The following TMEM245 variants were observed in gnomAD, a reference collection of about 807,000 sequenced individuals.
TMEM245 encodes protein CG-2.
Under a neutral mutation model 101.2 loss-of-function variants are expected in TMEM245, and 69 were observed. The observed-to-expected ratio is 0.68, with a 90% CI of 0.56 to 0.83. TMEM245 has a LOEUF of 0.83. Ranked by LOEUF, TMEM245 falls within the 40% of genes least tolerant of loss-of-function variation. The probability of loss-of-function intolerance (pLI) is 0.00; values close to 1 mark genes in which losing one functional copy is unlikely to be tolerated. For missense variants in TMEM245, 1,075 were observed against 1,092.8 expected (o/e 0.98, Z 0.23); for synonymous variants, 537 against 449.8 (o/e 1.19, Z -2.45).
rs1288587104 is a variant in TMEM245, at chr9:109,020,455, C to A, written c.*5G>T. On this transcript the variant is annotated 3_prime_UTR_variant, in exon 18 of 18. Coordinates refer to ENST00000374586, the MANE Select transcript of TMEM245 (RefSeq NM_032012.4). ...CCTAGAAAAATCACTGCAGAGGAAACCACATCAACCTACTGAAGATTTCAG... is the reference window on the plus strand; with the variant it reads ...CCTAGAAAAATCACTGCAGAGGAAAACACATCAACCTACTGAAGATTTCAG... The A allele has an allele frequency of 6.2e-7, 1 of 1,613,982 alleles. No homozygotes were observed.
chr9:109,034,585 T>C (rs957935755), intron 16 of TMEM245, among the ~76,000 whole-genome samples: 1 of 152,092 alleles, frequency 6.6e-6, no homozygotes, highest in Admixed American at 6.6e-5. Context: ...TAGCTGGGAC[T>C]ACAGGCATGT....
intron 14 of TMEM245, among the ~76,000 whole-genome samples, chr9:109,043,895 A>G (rs1402564871): frequency 6.6e-6 from 1 of 152,200 alleles, no homozygotes; most frequent in Non-Finnish European, 1.5e-5. Flanking sequence ...TCTGTGGAAT[A>G]AAAGTTCCAA....
chr9:109,049,851 G>T (rs1424482721), intron 14 of TMEM245, among the ~76,000 whole-genome samples: 1 of 152,048 alleles, frequency 6.6e-6, no homozygotes, highest in Non-Finnish European at 1.5e-5. Context: ...CTGGAGCGCA[G>T]TGGCGTGATC....
At chr9:109,036,991 G>A (rs148330698) in intron 15 of TMEM245, among the ~76,000 whole-genome samples, 152 of 152,290 alleles carry the variant, frequency 1.0e-3, no homozygotes, top group African/African-American at 3.6e-3. Context: ...GCCTCACAGG[G>A]TGCTTGCAGG....
chr9:109,035,801 G>A (rs2132321365), intron 16 of TMEM245, among the ~76,000 whole-genome samples: 2 of 151,862 alleles, frequency 1.3e-5, no homozygotes, highest in South Asian at 4.2e-4. Context: ...TGGGCATGGT[G>A]GTTCATTCCC....
intron 5 of TMEM245, among the ~76,000 whole-genome samples, chr9:109,090,716 C>CAAAAAAAAAAAAAAAAAAAAAAA (rs112374218): frequency 9.2e-6 from 1 of 108,396 alleles, no homozygotes; most frequent in African/African-American, 3.8e-5. Context: ...GACTCCGTCT[C>CAAAAAAAAAAAAAAAAAAAAAAA]AAAAAAAAAA....
intron 17 of TMEM245, among the ~76,000 whole-genome samples, chr9:109,029,895 TG>T (rs1451538332): frequency 6.6e-6 from 1 of 152,044 alleles, no homozygotes; most frequent in Non-Finnish European, 1.5e-5. Context: ...TATAAGTACA[TG>T]GAAAGCAAAG....
chr9:109,043,223 ACTAT>A (rs1828371676), intron 14 of TMEM245, among the ~76,000 whole-genome samples: 1 of 152,190 alleles, frequency 6.6e-6, no homozygotes, highest in African/African-American at 2.4e-5. Context: ...TCCCTGTCTT[ACTAT>A]CTATGAAAGA....
chr9:109,075,613 T>G (rs1218004402), intron 8 of TMEM245, among the ~76,000 whole-genome samples: 1 of 152,246 alleles, frequency 6.6e-6, no homozygotes, highest in Non-Finnish European at 1.5e-5. Flanking sequence ...TTTCTCCATT[T>G]AATGTTATCA....
chr9:109,045,384 T>A (rs1228397588), intron 14 of TMEM245, among the ~76,000 whole-genome samples: 1 of 152,154 alleles, frequency 6.6e-6, no homozygotes, highest in African/African-American at 2.4e-5. Context: ...ATGAGCTGCT[T>A]ACGTGGAATT....
At position 109,057,240 on chromosome 9, in the gene TMEM245, C is replaced by A. The variant is rs752252966; in HGVS notation, c.1805G>T (p.Trp602Leu). ...GTGAACAAAGGAAACAATATCCTGC[C>A]AGTCCAGAATGTCTCCCAGCCAGCT... ...QNSWLGDILD[W>L]QDIVSFVHEN... The change falls in exon 12 of 18, where the codon TGG becomes TTG. Residue 602 changes from tryptophan (W) to leucine (L), a missense_variant. By Grantham distance (61) the Trp-to-Leu change is moderately conservative. This residue lies in a region of TMEM245 where 267 missense variants were observed against 351.3 expected (regional missense o/e 0.76). Coordinates refer to ENST00000374586, the MANE Select transcript of TMEM245 (RefSeq NM_032012.4). 1.9e-6 allele frequency: 3 copies of A among 1,614,092 alleles called. No individual in the cohort carries two copies. The South Asian group carries it at 3.3e-5, about 18-fold the overall frequency.
At chr9:109,048,756 G>T (rs1471717279) in intron 14 of TMEM245, among the ~76,000 whole-genome samples, 2 of 152,172 alleles carry the variant, frequency 1.3e-5, no homozygotes, top group Non-Finnish European at 1.5e-5. Context: ...AGGAAGCCAA[G>T]AGCCAACGAC....
rs1481881692 is a variant in TMEM245, at chr9:109,016,283, TC to T, written c.*4176del. On this transcript the variant is annotated 3_prime_UTR_variant, in exon 18 of 18. Coordinates refer to ENST00000374586, the MANE Select transcript of TMEM245 (RefSeq NM_032012.4). ...TCCTTCATTTTAATTGACCATGCAA[TC>T]CCCCACCCCCAACACACACACACTT... The T allele has an allele frequency of 1.3e-5, 2 of 152,080 alleles. No homozygotes were observed. Among genetic ancestry groups the T allele is most frequent in the East Asian group, 3.9e-4 (2 of 5,188 alleles). The allele number at this position is 152,080 out of a possible 1,614,324, so 9.4% of individuals were successfully genotyped here.
chr9:109,036,435 A>G, intron 15 of TMEM245, 55 bp from the exon 16 acceptor site: 1 of 1,480,616 alleles, frequency 6.8e-7, no homozygotes, highest in Non-Finnish European at 9.0e-7. Context: ...ACACTAACAA[A>G]GCAAAAGAAT....
intron 5 of TMEM245, among the ~76,000 whole-genome samples, chr9:109,090,002 T>A (rs1288104288): frequency 1.3e-5 from 2 of 152,208 alleles, no homozygotes; most frequent in African/African-American, 4.8e-5. Context: ...GGCTCACTCC[T>A]GTAATGCCAG....
At chr9:109,061,630 G>C (rs12005458) in intron 10 of TMEM245, among the ~76,000 whole-genome samples, 9,111 of 151,994 alleles carry the variant, frequency 0.06, 925 homozygotes, top group African/African-American at 0.21. Context: ...GCAGTGGCGC[G>C]ATCTCGACTC....
chr9:109,086,041 T>C, intron 6 of TMEM245, 21 bp from the exon 7 acceptor site: 1 of 1,613,026 alleles, frequency 6.2e-7, no homozygotes, highest in Non-Finnish European at 8.5e-7. Flanking sequence ...GGGGGTAAGG[T>C]GAGAAAGAGA....
At chr9:109,044,717 TA>T (rs1470892097) in intron 14 of TMEM245, among the ~76,000 whole-genome samples, 1 of 151,982 alleles carries the variant, frequency 6.6e-6, no homozygotes, top group Non-Finnish European at 1.5e-5. Flanking sequence ...AGTAATCAGA[TA>T]GGGGTAATTG....
intron 3 of TMEM245, among the ~76,000 whole-genome samples, chr9:109,099,432 A>G (rs974834979): frequency 1.3e-5 from 2 of 152,194 alleles, no homozygotes; most frequent in African/African-American, 2.4e-5. Flanking sequence ...AGTCATTTAC[A>G]AACAATTACC....
Sources: gnomAD v4.1 joint callset for allele counts (sites outside exome capture counted in the v4.1 genomes callset) on GRCh38, gnomAD v4.1.1 for gene constraint, gnomAD v4.1.1 regional missense constraint, MANE v1.5 for transcripts, NCBI Gene and HGNC (gene_info 2026-07-23, HGNC 2026-07-21) for gene names.